RUSC1: variants seen among roughly 807,000 people sequenced by gnomAD.
The protein encoded by RUSC1 is RUN and SH3 domain containing 1, also known as AP-4 complex accessory subunit RUSC1.
Under a neutral mutation model 72.1 loss-of-function variants are expected in RUSC1, and 40 were observed. The ratio of observed to expected loss-of-function variants is 0.55; its 90% confidence interval spans 0.43 to 0.72. The LOEUF (loss-of-function observed/expected upper bound fraction) is 0.72, where lower values mean the gene tolerates loss of function less well. Ranked by LOEUF, RUSC1 falls within the 30% of genes least tolerant of loss-of-function variation. RUSC1 has a pLI of 0.00. For synonymous variants in RUSC1, 512 were observed against 494.2 expected (o/e 1.04, Z -0.48); for missense variants, 1,092 against 1,172.3 (o/e 0.93, Z 1.00).
At position 155,322,832 on chromosome 1, in the gene RUSC1, C is replaced by T. The variant is rs757920388; in HGVS notation, c.1059C>T (p.Pro353=). ...LIVFSPDTEL[P]PSGSPGGSSA... is the part of the protein sequence containing the mutation. ...TCTTCTCGCCCGACACCGAGCTCCCCCCCTCGGGGTCGCCGGGCGGCTCCT... is the reference window on the plus strand; with the variant it reads ...TCTTCTCGCCCGACACCGAGCTCCCTCCCTCGGGGTCGCCGGGCGGCTCCT... The change falls in exon 2 of 10, where the codon CCC becomes CCT. Residue 353 remains proline, a synonymous_variant. Transcript: ENST00000368352. 2.5e-6 allele frequency: 4 copies of T among 1,613,310 alleles called. No individual in the cohort carries two copies. The highest frequency in any genetic ancestry group is 2.7e-5 in the African/African-American group (2 of 75,078).
At position 155,320,905 on chromosome 1, in the gene RUSC1, C is replaced by T. The variant is rs752217114; in HGVS notation, c.-173C>T. ...GCGCAGGGTAGGTTGTGCTAGTGCC[C>T]CTCCCCTCCCGCTCTGTGCCCCGCC... On this transcript the variant is annotated 5_prime_UTR_variant, in exon 1 of 10. Transcript: ENST00000368352. 6.3e-7 allele frequency: 1 copy of T among 1,594,064 alleles called. No homozygotes were observed. The highest frequency in any genetic ancestry group is 8.5e-7 in the Non-Finnish European group (1 of 1,170,894).
chr1:155,328,605 A>AT (rs918034911), intron 9 of RUSC1, among the ~76,000 whole-genome samples: 88 of 139,790 alleles, frequency 6.3e-4, no homozygotes, highest in African/African-American at 8.4e-4. Flanking sequence ...AAGTTTTGGA[A>AT]TTTTTTTTTT....
At position 155,326,910 on chromosome 1, in the gene RUSC1, A is replaced by G. The variant is rs1271480611; in HGVS notation, c.2192A>G (p.Glu731Gly). 1.2e-6 allele frequency: 2 copies of G among 1,613,788 alleles called. No individual in the cohort carries two copies. Among genetic ancestry groups the G allele is most frequent in the East Asian group, 2.2e-5 (1 of 44,882 alleles). ...CTTCCCACACCAGGGAGCTGGTGGGAGCAGTTGACCCAGGCCTCCCGGGTC... is the reference window on the plus strand; with the variant it reads ...CTTCCCACACCAGGGAGCTGGTGGGGGCAGTTGACCCAGGCCTCCCGGGTC... ...PNLPTPGSWW[E>G]QLTQASRVYA... The change falls in exon 8 of 10, where the codon GAG becomes GGG. Residue 731 changes from glutamate (E) to glycine (G), a missense_variant. Glu to Gly is a moderately conservative substitution (Grantham distance 98). Transcript: ENST00000368352. This position sits in a 1 kb window ranked among gnomAD's most constrained non-coding sequence, Gnocchi z 4.7.
chr1:155,328,314 T>C, intron 9 of RUSC1, 39 bp downstream of exon 9: 1 of 1,555,548 alleles, frequency 6.4e-7, no homozygotes, highest in Non-Finnish European at 8.7e-7. Flanking sequence ...TGTGTAACCA[T>C]GTATGCTATC....
rs750834010 is a variant in RUSC1 at position 155,326,767 on chromosome 1, C to A, written c.2049C>A (p.Gly683=). The part of the protein sequence containing the change: ...LGPPQAPAPP[G]PPPALQQTMQ... ...CACCTCAGGCCCCTGCCCCTCCAGGCCCACCTCCAGCTCTGCAGCAGACTA... is the reference window on the plus strand; with the variant it reads ...CACCTCAGGCCCCTGCCCCTCCAGGACCACCTCCAGCTCTGCAGCAGACTA... Residue 683 remains glycine, a synonymous_variant, in exon 8 of 10, where the codon GGC becomes GGA. Coordinates refer to ENST00000368352, the MANE Select transcript of RUSC1 (RefSeq NM_001105203.2). The surrounding 1 kb of genome is among the most constrained non-coding windows in gnomAD (Gnocchi z 4.7). 2 of 1,612,958 alleles carry A rather than the reference C, an allele frequency of 1.2e-6. No homozygotes were observed. The highest frequency in any genetic ancestry group is 2.7e-5 in the African/African-American group (2 of 74,962).
chr1:155,326,937 A>C lies in RUSC1; in HGVS notation c.2219A>C (p.Tyr740Ser), dbSNP rs543342637. The C allele has an allele frequency of 1.2e-6, 2 of 1,613,816 alleles. No individual in the cohort carries two copies. The highest frequency in any genetic ancestry group is 1.7e-6 in the Non-Finnish European group (2 of 1,180,030). Residue 740 changes from tyrosine to serine, a missense_variant, in exon 8 of 10, where the codon TAT becomes TCT. Coordinates refer to ENST00000368352, the MANE Select transcript of RUSC1 (RefSeq NM_001105203.2). This position sits in a 1 kb window ranked among gnomAD's most constrained non-coding sequence, Gnocchi z 4.7. The part of the protein sequence containing the change: ...WEQLTQASRV[Y>S]ASGGTEGFPL... ...CAGTTGACCCAGGCCTCCCGGGTCT[A>C]TGCCTCTGGGGGCACTGAGGGCTTT...
At chr1:155,324,072 G>C in intron 2 of RUSC1, 1 of 1,134,450 alleles carries the variant, frequency 8.8e-7, no homozygotes, top group Non-Finnish European at 1.1e-6. Flanking sequence ...GTGGACGCGG[G>C]CTTACCCAGC....
chr1:155,327,270 G>A lies in RUSC1; in HGVS notation c.2414+138G>A, dbSNP rs144938024. 50 of 881,912 alleles carry A rather than the reference G, an allele frequency of 5.7e-5. No homozygotes were observed. In the African/African-American group the frequency reaches 8.1e-4, roughly 14 times the overall value. 54.6% of individuals were successfully genotyped at this position (881,912 alleles called of 1,614,324 possible). ...TTTCTACAGCCATGAGCTAAAAATG[G>A]TTACATTTTAATGGTTATGTTAAGT... On this transcript the variant is annotated intron_variant, in intron 8 of 9. Transcript: ENST00000368352.
chr1:155,325,971 T>C lies in RUSC1; in HGVS notation c.1861+61T>C. The C allele has an allele frequency of 6.6e-7, 1 of 1,522,904 alleles. No homozygotes were observed. The highest frequency in any genetic ancestry group is 9.1e-7 in the Non-Finnish European group (1 of 1,097,528). The allele number at this position is 1,522,904 out of a possible 1,614,324, so 94.3% of individuals were successfully genotyped here. A position where few individuals can be genotyped will look rare whatever the true frequency, so the allele number is the denominator to read the frequency against. On this transcript the variant is annotated intron_variant, in intron 7 of 9. Transcript: ENST00000368352. The surrounding 1 kb of genome is among the most constrained non-coding windows in gnomAD (Gnocchi z 6.5). ...GGCTGGGAGGATGGGAAGGAAAGAG[T>C]TCTCTCCTGCTGGTTCCCACTGCTG...
chr1:155,324,722 C>T, intron 2 of RUSC1, 123 bp from the exon 3 acceptor site: 2 of 1,571,256 alleles, frequency 1.3e-6, no homozygotes, highest in South Asian at 2.3e-5. Context: ...CCTGCGCCTC[C>T]TCTCCCCAAG....
rs960400211 is a variant in RUSC1 at position 155,325,211 on chromosome 1, A to C, written c.1533+33A>C. 3 of 1,613,998 alleles carry C rather than the reference A, an allele frequency of 1.9e-6. No homozygotes were observed. The Admixed American group carries it at 5.0e-5, about 27-fold the overall frequency. ...TGGCTGGGGGGAGGCTGTTGGGATG[A>C]GGAGAGTAATGGAGCTCCGCGGGGG... On this transcript the variant is annotated intron_variant, in intron 4 of 9. Transcript: ENST00000368352. This position sits in a 1 kb window ranked among gnomAD's most constrained non-coding sequence, Gnocchi z 6.5.
Position 155,326,335 on chromosome 1 carries a change from T to C in RUSC1, c.1862-245T>C. On this transcript the variant is annotated intron_variant, in intron 7 of 9. Transcript: ENST00000368352. This position sits in a 1 kb window ranked among gnomAD's most constrained non-coding sequence, Gnocchi z 4.7. ...TGCTTCTATGGCTCTCCTGTCCTCC[T>C]CCTCTGTAGCCTTTGCACTGTCTCT... is the stretch of plus-strand genomic sequence containing the variant. The C allele has an allele frequency of 1.7e-6, 1 of 573,314 alleles. No homozygotes were observed. The allele number at this position is 573,314 out of a possible 1,614,324, so 35.5% of individuals were successfully genotyped here.
Position 155,326,986 on chromosome 1 carries a change from G to C in RUSC1, c.2268G>C (p.Gly756=). The stretch of plus-strand genomic sequence containing the variant: ...TTCCTCTTTCCCGATGGGCACCGGG[G>C]CGTCATGGGACTGCAGCTGAAGAAG... ...EGFPLSRWAP[G]RHGTAAEEGA... The change falls in exon 8 of 10, where the codon GGG becomes GGC. Residue 756 remains glycine (G), a synonymous_variant. Coordinates refer to ENST00000368352, the MANE Select transcript of RUSC1 (RefSeq NM_001105203.2). The surrounding 1 kb of genome is among the most constrained non-coding windows in gnomAD (Gnocchi z 4.7). 6.2e-7 allele frequency: 1 copy of C among 1,613,676 alleles called. No homozygotes were observed.
At chr1:155,324,142 C>T in intron 2 of RUSC1, 1 of 1,310,356 alleles carries the variant, frequency 7.6e-7, no homozygotes, top group Middle Eastern at 3.0e-4. Context: ...GGGTCACACC[C>T]TCTGTGGAAT....
At chr1:155,324,337 C>T (rs1393880351) in intron 2 of RUSC1, 12 of 1,595,752 alleles carry the variant, frequency 7.5e-6, no homozygotes, top group African/African-American at 2.7e-5. Flanking sequence ...TTCCCCTTTC[C>T]GGCGCCTTCC....
chr1:155,328,083 C>A, intron 8 of RUSC1, 67 bp from the exon 9 acceptor site: 1 of 1,555,626 alleles, frequency 6.4e-7, no homozygotes, highest in Admixed American at 1.8e-5. Flanking sequence ...CTCCCTCCCT[C>A]CAAACCCCAG....
chr1:155,322,862 A>G lies in RUSC1; in HGVS notation c.1089A>G (p.Ala363=), dbSNP rs1650735785. Residue 363 remains alanine, a synonymous_variant, in exon 2 of 10, where the codon GCA becomes GCG. Transcript: ENST00000368352. The part of the protein sequence containing the change: ...PPSGSPGGSS[A]PPREVTTFKE... ...CGGGGTCGCCGGGCGGCTCCTCGGCACCTCCTCGGGAAGTCACCACCTTCA... is the reference window on the plus strand; with the variant it reads ...CGGGGTCGCCGGGCGGCTCCTCGGCGCCTCCTCGGGAAGTCACCACCTTCA... 4 of 1,611,462 alleles carry G rather than the reference A, an allele frequency of 2.5e-6. No homozygotes were observed. In the East Asian group the frequency reaches 8.9e-5, roughly 36 times the overall value.
chr1:155,330,848 T>C lies in RUSC1; in HGVS notation c.*277T>C, dbSNP rs1305219873. The C allele has an allele frequency of 3.4e-6, 1 of 298,050 alleles. No individual in the cohort carries two copies. The highest frequency in any genetic ancestry group is 6.3e-6 in the Non-Finnish European group (1 of 158,990). The allele number at this position is 298,050 out of a possible 1,614,324, so 18.5% of individuals were successfully genotyped here. ...AAGGGAATGTCTTCCTTCCTATCTA[T>C]CTGCAAAATGGAAATCTAGACCTCC... On this transcript the variant is annotated 3_prime_UTR_variant, in exon 10 of 10. Coordinates refer to ENST00000368352, the MANE Select transcript of RUSC1 (RefSeq NM_001105203.2).
Position 155,330,402 on chromosome 1 carries a change from G to C in RUSC1, c.2541-1G>C. On this transcript the variant is annotated splice_acceptor_variant, in intron 9 of 9. Transcript: ENST00000368352. LOFTEE classifies it high-confidence loss of function. Reference sequence around the variant, plus strand: ...CAGTATCTTCCTCTGGCTCCCCTCAGGGCAGTGCGGGCTCTCTGTGATCAC... The same window carrying C: ...CAGTATCTTCCTCTGGCTCCCCTCACGGCAGTGCGGGCTCTCTGTGATCAC... 4.3e-6 allele frequency: 7 copies of C among 1,612,484 alleles called. No homozygotes were observed. Among genetic ancestry groups the C allele is most frequent in the Non-Finnish European group, 5.9e-6 (7 of 1,180,008 alleles).
Sources: allele counts gnomAD v4.1 joint callset (sites outside exome capture counted in the v4.1 genomes callset), GRCh38; gene constraint gnomAD v4.1.1; non-coding constraint Gnocchi (gnomAD v3.1); transcripts MANE v1.5; gene names NCBI Gene and HGNC (gene_info 2026-07-23, HGNC 2026-07-21).